The following HPS5 variants were observed in gnomAD, a reference collection of about 807,000 sequenced individuals.
The protein encoded by HPS5 is HPS5 biogenesis of lysosomal organelles complex 2 subunit 2.
In HPS5, 83 loss-of-function variants were observed where a neutral mutation model predicts 128.0. The ratio of observed to expected loss-of-function variants is 0.65; its 90% CI spans 0.54 to 0.78. The LOEUF (loss-of-function observed/expected upper bound fraction) is 0.78, where lower values mean the gene tolerates loss of function less well. HPS5 is among the 30% of genes least tolerant of loss of function. HPS5 has a pLI of 0.00. For missense variants in HPS5, 1,281 were observed against 1,326.2 expected (o/e 0.97, Z 0.53); for synonymous variants, 475 against 470.2 (o/e 1.01, Z -0.13).
At chr11:18,316,650 T>C (rs1863659890) in intron 2 of HPS5, among the ~76,000 whole-genome samples, 1 of 152,194 alleles carries the variant, frequency 6.6e-6, no homozygotes, top group East Asian at 1.9e-4. Context: ...GAGGCCAAAT[T>C]AACATTGACT....
intron 6 of HPS5, among the ~76,000 whole-genome samples, chr11:18,307,195 G>C (rs140023017): frequency 3.5e-4 from 54 of 152,216 alleles, no homozygotes; most frequent in African/African-American, 1.2e-3. Context: ...ACAGTGTCAG[G>C]CCTACAAAAA....
In HPS5 at chr11:18,295,331, C is replaced by T. The variant is rs77188352; in HGVS notation, c.1635-162G>A. Among the ~76,000 whole-genome samples the T allele has an allele frequency of 9.4e-3, 1,438 of 152,296 alleles. 14 individuals carry two copies. Among genetic ancestry groups the T allele is most frequent in the African/African-American group, 0.033 (1,380 of 41,554 alleles). The stretch of plus-strand genomic sequence containing the variant: ...TCTCTGTTCAAATAATAGTATTTCA[C>T]GTATATAAACTTACAATATAATGAT... On this transcript the variant is annotated intron_variant, in intron 13 of 22. Coordinates refer to ENST00000349215, the MANE Select transcript of HPS5 (RefSeq NM_181507.2).
At position 18,306,326 on chromosome 11, in the gene HPS5, T is replaced by G. The variant is rs746384620; in HGVS notation, c.633A>C (p.Gly211=). ...DTEREKFWKI[G]NKERDGEYGA... ...CATATTCTCCATCTCTTTCCTTGTT[T>G]CCAATTTTCCAAAACTTTTCTCTAA... Residue 211 remains glycine, a synonymous_variant, in exon 7 of 23, where the codon GGA becomes GGC. Coordinates refer to ENST00000349215, the MANE Select transcript of HPS5 (RefSeq NM_181507.2). The G allele has an allele frequency of 6.2e-7, 1 of 1,613,890 alleles. No individual in the cohort carries two copies. The highest frequency in any genetic ancestry group is 8.5e-7 in the Non-Finnish European group (1 of 1,179,858).
In HPS5 at chr11:18,317,733, A is replaced by G. The variant is rs749664463; in HGVS notation, c.108+18T>C. 6.2e-7 allele frequency: 1 copy of G among 1,611,484 alleles called. No homozygotes were observed. Among genetic ancestry groups the G allele is most frequent in the South Asian group, 1.1e-5 (1 of 90,500 alleles). On this transcript the variant is annotated intron_variant, in intron 2 of 22. Coordinates refer to ENST00000349215, the MANE Select transcript of HPS5 (RefSeq NM_181507.2). ...GAGCACGTGAAAATGAAACTGATAC[A>G]AGGATCAAGAAATTCACCTTTAGAC... is the stretch of plus-strand genomic sequence containing the variant.
At position 18,286,678 on chromosome 11, in the gene HPS5, T is replaced by C. The variant is rs1305330020; in HGVS notation, c.2750A>G (p.Glu917Gly). The stretch of plus-strand genomic sequence containing the variant: ...AAGCAGCCAATCCAACCTTAAAGAC[T>C]CTGGTTGCAGAAGGGACTCAAGAAA... ...SSFLESLLQP[E>G]SLRLDWLLLA... Residue 917 changes from glutamate to glycine, a missense_variant, in exon 19 of 23, where the codon GAG (glutamate) becomes GGG (glycine). Physicochemically the swap from Glu to Gly is moderately conservative, Grantham distance 98 (BLOSUM62 -2). Coordinates refer to ENST00000349215, the MANE Select transcript of HPS5 (RefSeq NM_181507.2). 2 of 1,613,698 alleles carry C rather than the reference T, an allele frequency of 1.2e-6. No individual in the cohort carries two copies. The highest frequency in any genetic ancestry group is 1.3e-5 in the African/African-American group (1 of 74,798).
chr11:18,290,615 T>C (rs1297439538), intron 16 of HPS5, among the ~76,000 whole-genome samples: 1 of 152,192 alleles, frequency 6.6e-6, no homozygotes, highest in African/African-American at 2.4e-5. Context: ...AATGTCATTA[T>C]GAGAGAAATA....
chr11:18,295,587 T>C (rs1325676915), intron 13 of HPS5, among the ~76,000 whole-genome samples: 1 of 152,178 alleles, frequency 6.6e-6, no homozygotes, highest in African/African-American at 2.4e-5. Context: ...AGATGAGCAG[T>C]TAAGTAGCTG....
rs370960574 is a variant in HPS5, at chr11:18,297,734, G to A, written c.1165-17C>T. On this transcript the variant is annotated splice_polypyrimidine_tract_variant and intron_variant, in intron 10 of 22. Coordinates refer to ENST00000349215, the MANE Select transcript of HPS5 (RefSeq NM_181507.2). ...TTTTCTTGCCTAATAAAACAACAGC[G>A]CAATGGAATAGCTATTTGTAGGTAA... 5.4e-5 allele frequency: 87 copies of A among 1,609,148 alleles called. No individual in the cohort carries two copies. The highest frequency in any genetic ancestry group is 2.5e-4 in the Admixed American group (15 of 59,990).
intron 1 of HPS5, among the ~76,000 whole-genome samples, chr11:18,319,254 ACCAC>A (rs1251921086): frequency 1.8e-4 from 15 of 83,156 alleles, no homozygotes; most frequent in Non-Finnish European, 6.9e-5. Context: ...AAAGACAAAT[ACCAC>A]ACACACACAC....
rs544688274 is a variant in HPS5, at chr11:18,280,548, A to T, written c.3330-606T>A. 1.6e-5 allele frequency: 11 copies of T among 699,574 alleles called. No individual in the cohort carries two copies. In the African/African-American group the frequency reaches 1.6e-4, roughly 10 times the overall value. 43.3% of individuals were successfully genotyped at this position (699,574 alleles called of 1,614,324 possible). A position where few individuals can be genotyped will look rare whatever the true frequency, so the allele number is the denominator to read the frequency against. On this transcript the variant is annotated intron_variant, in intron 22 of 22. Coordinates refer to ENST00000349215, the MANE Select transcript of HPS5 (RefSeq NM_181507.2). ...ATTCCACTTTCAGGTATATACCCGA[A>T]AGAACTGAAAGCAGTGTCTGGAAGA...
intron 8 of HPS5, among the ~76,000 whole-genome samples, chr11:18,301,454 CAA>C (rs899074500): frequency 1.7e-4 from 9 of 52,096 alleles, no homozygotes; most frequent in Non-Finnish European, 2.4e-4. Flanking sequence ...GACTCTGTCT[CAA>C]AAAAAAAAAA....
intron 1 of HPS5, among the ~76,000 whole-genome samples, chr11:18,321,559 T>C (rs893616064): frequency 5.3e-5 from 8 of 152,238 alleles, no homozygotes; most frequent in African/African-American, 1.2e-4. Flanking sequence ...ACGCGTCTCC[T>C]GAATCCAAAT....
intron 22 of HPS5, chr11:18,280,453 G>A: frequency 1.6e-6 from 1 of 606,438 alleles, no homozygotes; most frequent in East Asian, 2.8e-5. Context: ...AAGTAAAATG[G>A]TGCAGTCTCT....
At chr11:18,286,192 A>G (rs1326715389) in intron 19 of HPS5, among the ~76,000 whole-genome samples, 4 of 152,240 alleles carry the variant, frequency 2.6e-5, no homozygotes, top group African/African-American at 9.6e-5. Flanking sequence ...TGAGCCCAGA[A>G]TGCCATATGT....
At chr11:18,294,076 T>C (rs1050484019) in intron 14 of HPS5, among the ~76,000 whole-genome samples, 1 of 152,110 alleles carries the variant, frequency 6.6e-6, no homozygotes, top group Non-Finnish European at 1.5e-5. Context: ...ATACCCAGAT[T>C]CCCTGAACTA....
chr11:18,292,658 C>G (rs1860558082), intron 15 of HPS5, among the ~76,000 whole-genome samples: 1 of 152,088 alleles, frequency 6.6e-6, no homozygotes, highest in African/African-American at 2.4e-5. Flanking sequence ...AGTCAAATAC[C>G]AAAAAATTAA....
At chr11:18,284,174 A>C (rs76389639) in intron 20 of HPS5, among the ~76,000 whole-genome samples, 481 of 152,222 alleles carry the variant, frequency 3.2e-3, no homozygotes, top group African/African-American at 0.011. Flanking sequence ...AGGGAAAAAA[A>C]AAAAACAAAA....
rs552548513 is a variant in HPS5 at position 18,288,252 on chromosome 11, C to T, written c.2441-239G>A. On this transcript the variant is annotated intron_variant, in intron 16 of 22. Coordinates refer to ENST00000349215, the MANE Select transcript of HPS5 (RefSeq NM_181507.2). ...AGCATATTAAAAGTTTTAAATAAGA[C>T]GAAGGAACATATAATTAATACATCA... 5.3e-5 allele frequency among the ~76,000 whole-genome samples: 8 copies of T among 152,124 alleles called. No homozygotes were observed. In the South Asian group the frequency reaches 1.0e-3, roughly 20 times the overall value.
intron 12 of HPS5, chr11:18,296,332 G>A (rs987352497): frequency 5.2e-6 from 3 of 582,480 alleles, no homozygotes; most frequent in Non-Finnish European, 9.0e-6. Flanking sequence ...ACCTTCATTT[G>A]CCTACTAACC....
Sources: gnomAD v4.1 joint callset for allele counts (sites outside exome capture counted in the v4.1 genomes callset) on GRCh38, gnomAD v4.1.1 for gene constraint, MANE v1.5 for transcripts, NCBI Gene and HGNC (gene_info 2026-07-23, HGNC 2026-07-21) for gene names.